Variants in OR2L13 observed in about 807,000 individuals in gnomAD.
OR2L13 encodes the protein olfactory receptor 2L13.
A neutral mutation model predicts 15.3 loss-of-function variants in OR2L13; 14 were observed. The ratio of observed to expected loss-of-function variants is 0.91; its 90% CI spans 0.60 to 1.43. The LOEUF (loss-of-function observed/expected upper bound fraction) is 1.43, where lower values mean the gene tolerates loss of function less well. Among genes scored for constraint, OR2L13 ranks in the 40% most tolerant of loss-of-function variants. OR2L13 has a pLI of 0.00. For synonymous variants in OR2L13, 152 were observed against 142.9 expected (o/e 1.06, Z -0.45); for missense variants, 367 against 387.9 (o/e 0.95, Z 0.45).
the OR2L13 span, among the ~76,000 whole-genome samples, chr1:247,969,689 G>A: frequency 3.9e-5 from 6 of 152,292 alleles, no homozygotes; most frequent in East Asian, 9.7e-4. Context: ...TGCATGAAAT[G>A]TAGAAAGTAT....
the OR2L13 span, chr1:248,003,810 T>A: frequency 5.0e-6 from 8 of 1,613,616 alleles, no homozygotes; most frequent in East Asian, 2.2e-5. Context: ...GTCTACCACA[T>A]GAAATCTGCA....
the OR2L13 span, among the ~76,000 whole-genome samples, chr1:247,980,260 T>C: frequency 6.6e-6 from 1 of 152,110 alleles, no homozygotes; most frequent in African/African-American, 2.4e-5. Flanking sequence ...TTAATGGGCA[T>C]TTCCAGAATA....
intron 2 of OR2L13, 104 bp from the exon 3 acceptor site, chr1:248,099,254 C>A: frequency 1.5e-6 from 1 of 684,574 alleles, no homozygotes; most frequent in East Asian, 2.6e-5. Flanking sequence ...GGAGAAACAA[C>A]TCATTCTAAA....
At chr1:248,004,333 A>T in the OR2L13 span, among the ~76,000 whole-genome samples, 125 of 152,346 alleles carry the variant, frequency 8.2e-4, 1 homozygote, top group African/African-American at 2.8e-3. Context: ...GTTTTTAGTT[A>T]TGCAGAAATG....
At chr1:247,937,877 T>C in the OR2L13 span, among the ~76,000 whole-genome samples, 1 of 152,208 alleles carries the variant, frequency 6.6e-6, no homozygotes, top group Non-Finnish European at 1.5e-5. Context: ...AAGATATATA[T>C]GAAACTTTAA....
the OR2L13 span, among the ~76,000 whole-genome samples, chr1:248,009,522 C>T: frequency 6.6e-6 from 1 of 152,018 alleles, no homozygotes; most frequent in Non-Finnish European, 1.5e-5. Context: ...GAAATTGAGG[C>T]AGTAATTAAT....
chr1:248,094,829 C>T (rs1664680343), upstream of OR2L13, among the ~76,000 whole-genome samples: 1 of 152,182 alleles, frequency 6.6e-6, no homozygotes, highest in South Asian at 2.1e-4. Context: ...GAGTCGAGTA[C>T]TTGTAAGTGG....
the OR2L13 span, chr1:248,003,359 G>T: frequency 1.2e-6 from 2 of 1,605,970 alleles, no homozygotes; most frequent in East Asian, 4.5e-5. Flanking sequence ...CTCCACCATT[G>T]TTCCTAAGAT....
chr1:247,965,735 A>G, the OR2L13 span: 66 of 1,561,962 alleles, frequency 4.2e-5, no homozygotes, highest in Admixed American at 7.8e-4. Context: ...TTTATGTCTT[A>G]TGATCGCTAT....
the OR2L13 span, among the ~76,000 whole-genome samples, chr1:247,955,463 C>G: frequency 1.3e-5 from 2 of 151,754 alleles, no homozygotes; most frequent in African/African-American, 2.4e-5. Context: ...GGTATATACC[C>G]AGTAATGCGA....
the OR2L13 span, among the ~76,000 whole-genome samples, chr1:248,024,581 G>A: frequency 2.6e-5 from 4 of 152,140 alleles, no homozygotes; most frequent in African/African-American, 4.8e-5. Flanking sequence ...ATTAATTTTT[G>A]TATAAGGTGT....
chr1:248,040,807 A>G, the OR2L13 span: 1 of 152,236 alleles, frequency 6.6e-6, no homozygotes, highest in East Asian at 1.9e-4. Context: ...GCGGTCAGTG[A>G]CCCTAATTTC....
At chr1:247,978,402 C>G in the OR2L13 span, among the ~76,000 whole-genome samples, 5,896 of 152,228 alleles carry the variant, frequency 0.039, 354 homozygotes, top group African/African-American at 0.13. Context: ...CCTGTGCCAC[C>G]GTGCCCTGCT....
the OR2L13 span, among the ~76,000 whole-genome samples, chr1:247,985,524 A>G: frequency 6.6e-6 from 1 of 152,004 alleles, no homozygotes; most frequent in Non-Finnish European, 1.5e-5. Flanking sequence ...GGACATTTGG[A>G]TTGGTTCCAA....
At chr1:248,076,511 T>C in the OR2L13 span, among the ~76,000 whole-genome samples, 2 of 152,214 alleles carry the variant, frequency 1.3e-5, no homozygotes, top group African/African-American at 4.8e-5. Context: ...TTTTGTCCTC[T>C]TTTATTTCAT....
chr1:248,048,925 T>C, the OR2L13 span, among the ~76,000 whole-genome samples: 12 of 146,842 alleles, frequency 8.2e-5, no homozygotes, highest in South Asian at 2.1e-4. Context: ...CTCTCTCTCT[T>C]TTTTTTTTTT....
At chr1:247,989,140 A>C in the OR2L13 span, among the ~76,000 whole-genome samples, 1 of 152,172 alleles carries the variant, frequency 6.6e-6, no homozygotes, top group Non-Finnish European at 1.5e-5. Flanking sequence ...ATGGTGGTAG[A>C]CATTAAAAAT....
the OR2L13 span, among the ~76,000 whole-genome samples, chr1:247,968,145 C>A: frequency 0.065 from 9,804 of 151,924 alleles, 647 homozygotes; most frequent in African/African-American, 0.17. Context: ...CATGAATAAT[C>A]ATAATAACCA....
the OR2L13 span, chr1:247,949,512 C>T: frequency 2.5e-6 from 4 of 1,614,000 alleles, no homozygotes; most frequent in South Asian, 3.3e-5. Flanking sequence ...TTCCTATGGC[C>T]AGGTTCTCTT....
Sources: allele counts gnomAD v4.1 joint callset (sites outside exome capture counted in the v4.1 genomes callset), GRCh38; gene constraint gnomAD v4.1.1; transcripts MANE v1.5; gene names NCBI Gene and HGNC (gene_info 2026-07-23, HGNC 2026-07-21).